Variants in ASIC2 observed in about 807,000 individuals in gnomAD.
The protein encoded by ASIC2 is acid-sensing ion channel 2.
In ASIC2, 25 loss-of-function variants were observed where a neutral mutation model predicts 57.3. The ratio of observed to expected loss-of-function variants is 0.44; its 90% CI spans 0.32 to 0.61. ASIC2 has a LOEUF of 0.61. Among genes scored for constraint, ASIC2 ranks in the 20% least tolerant of loss-of-function variants. ASIC2 has a pLI of 0.06. For synonymous variants in ASIC2, 319 were observed against 307.5 expected (o/e 1.04, Z -0.39); for missense variants, 641 against 738.1 (o/e 0.87, Z 1.52).
chr17:33,592,252 CT>C, intron 1 of ASIC2, among the ~76,000 whole-genome samples: 1 of 152,366 alleles, frequency 6.6e-6, no homozygotes, highest in Admixed American at 6.5e-5. Context: ...CATTGACCCC[CT>C]GCTCTGTGTC....
At chr17:34,048,483 A>G (rs1908422025) in intron 1 of ASIC2, among the ~76,000 whole-genome samples, 1 of 152,194 alleles carries the variant, frequency 6.6e-6, no homozygotes, top group Admixed American at 6.5e-5. Context: ...CTTTATTTTC[A>G]GCACTGCTGC....
intron 1 of ASIC2, among the ~76,000 whole-genome samples, chr17:33,656,089 C>T (rs1907067507): frequency 6.6e-6 from 1 of 151,992 alleles, no homozygotes; most frequent in Non-Finnish European, 1.5e-5. Context: ...AGAGTCTTCC[C>T]TAGAAACTAA....
In ASIC2 at chr17:34,086,974, G is replaced by A. The variant is rs539681117; in HGVS notation, c.555+69004C>T. ...GGTTTCCTGAATACAGCACACTGATGGGTCTTGACTCTTTATCCAATTTGC... is the reference window on the plus strand; with the variant it reads ...GGTTTCCTGAATACAGCACACTGATAGGTCTTGACTCTTTATCCAATTTGC... On this transcript the variant is annotated intron_variant, in intron 1 of 9. Transcript: ENST00000359872. 1.2e-3 allele frequency among the ~76,000 whole-genome samples: 183 copies of A among 152,206 alleles called. 1 individual carries two copies. The highest frequency in any genetic ancestry group is 4.3e-3 in the African/African-American group (178 of 41,526).
intron 1 of ASIC2, among the ~76,000 whole-genome samples, chr17:34,121,269 GTC>G (rs1911613081): frequency 6.6e-6 from 1 of 151,536 alleles, no homozygotes; most frequent in South Asian, 2.1e-4. Context: ...GACAGTAAAT[GTC>G]TGTTGTTTTA....
chr17:33,247,102 T>C (rs912900431), intron 1 of ASIC2, among the ~76,000 whole-genome samples: 1 of 152,252 alleles, frequency 6.6e-6, no homozygotes, highest in Admixed American at 6.5e-5. Context: ...CATTGTTCGA[T>C]AGAGCGTTTA....
At chr17:33,092,632 G>T (rs1436685886) in intron 2 of ASIC2, among the ~76,000 whole-genome samples, 3 of 152,232 alleles carry the variant, frequency 2.0e-5, no homozygotes, top group South Asian at 4.1e-4. Flanking sequence ...GGGAAGGGAA[G>T]TGACTTGCCC....
At chr17:33,430,589 G>A (rs975245906) in intron 1 of ASIC2, among the ~76,000 whole-genome samples, 2 of 152,046 alleles carry the variant, frequency 1.3e-5, no homozygotes, top group African/African-American at 4.8e-5. Flanking sequence ...AGGGTGCTGG[G>A]GCCACAGCAA....
chr17:34,097,600 A>T (rs1362533130), intron 1 of ASIC2, among the ~76,000 whole-genome samples: 1 of 152,226 alleles, frequency 6.6e-6, no homozygotes, highest in Non-Finnish European at 1.5e-5. Flanking sequence ...TCATGTGAAG[A>T]CAAGGCAGAG....
At chr17:33,570,367 C>T (rs2141990996) in intron 1 of ASIC2, among the ~76,000 whole-genome samples, 1 of 152,350 alleles carries the variant, frequency 6.6e-6, no homozygotes, top group East Asian at 1.9e-4. Context: ...TGGCTCCTGG[C>T]CTGAGTCCTG....
chr17:33,769,484 G>C (rs1911032549), intron 1 of ASIC2, among the ~76,000 whole-genome samples: 1 of 152,226 alleles, frequency 6.6e-6, no homozygotes, highest in Non-Finnish European at 1.5e-5. Flanking sequence ...CTGCATCAAA[G>C]TTTACTGTAC....
intron 1 of ASIC2, among the ~76,000 whole-genome samples, chr17:33,920,917 T>G (rs1915697427): frequency 6.6e-6 from 1 of 152,144 alleles, no homozygotes; most frequent in Non-Finnish European, 1.5e-5. Flanking sequence ...ATCATCAGCT[T>G]TTGTCCTAGC....
At chr17:34,121,153 A>G (rs888354327) in intron 1 of ASIC2, among the ~76,000 whole-genome samples, 2 of 152,228 alleles carry the variant, frequency 1.3e-5, no homozygotes, top group African/African-American at 4.8e-5. Flanking sequence ...CAAGGATCCC[A>G]GCATCACCAG....
intron 1 of ASIC2, among the ~76,000 whole-genome samples, chr17:33,806,797 C>A (rs1306711450): frequency 6.6e-6 from 1 of 152,160 alleles, no homozygotes; most frequent in Non-Finnish European, 1.5e-5. Flanking sequence ...GACTTGGCAC[C>A]TGACCTGGTC....
chr17:33,702,106 A>C (rs1483071237), intron 1 of ASIC2, among the ~76,000 whole-genome samples: 1 of 152,140 alleles, frequency 6.6e-6, no homozygotes, highest in Admixed American at 6.5e-5. Context: ...GTCACAGACA[A>C]TGTCCTGGTT....
intron 1 of ASIC2, among the ~76,000 whole-genome samples, chr17:33,551,721 T>C (rs968060629): frequency 3.9e-5 from 6 of 152,196 alleles, no homozygotes; most frequent in African/African-American, 1.4e-4. Context: ...AGACTGTTGT[T>C]CTGAGATGCC....
chr17:33,307,597 A>G (rs1371131464), intron 1 of ASIC2, among the ~76,000 whole-genome samples: 2 of 152,228 alleles, frequency 1.3e-5, no homozygotes, highest in Non-Finnish European at 2.9e-5. Flanking sequence ...GGCATAAGCC[A>G]GCACACCCGA....
chr17:33,232,905 C>T (rs566110968), intron 1 of ASIC2, among the ~76,000 whole-genome samples: 4 of 152,268 alleles, frequency 2.6e-5, no homozygotes, highest in East Asian at 3.9e-4. Flanking sequence ...TCCTCTGGAG[C>T]GATGCATTCT....
rs138509646 is a variant in ASIC2 at position 33,485,800 on chromosome 17, G to A, written c.556-373733C>T. The stretch of plus-strand genomic sequence containing the variant: ...TTAAATAAAACACTCAGTGTGAAAT[G>A]TCTGACCCAGAGCTTGGTGTATAGT... On this transcript the variant is annotated intron_variant, in intron 1 of 9. Transcript: ENST00000359872. 2.2e-3 allele frequency among the ~76,000 whole-genome samples: 339 copies of A among 152,334 alleles called. 3 individuals carry two copies. In the East Asian group the frequency reaches 0.023, roughly 10 times the overall value.
chr17:33,594,110 C>A (rs915373494), intron 1 of ASIC2, among the ~76,000 whole-genome samples: 2 of 152,256 alleles, frequency 1.3e-5, no homozygotes, highest in African/African-American at 4.8e-5. Flanking sequence ...GCGTTTCCTA[C>A]ACCATTTGCA....
Sources: gnomAD v4.1 joint callset for allele counts (sites outside exome capture counted in the v4.1 genomes callset) on GRCh38, gnomAD v4.1.1 for gene constraint, MANE v1.5 for transcripts, NCBI Gene and HGNC (gene_info 2026-07-23, HGNC 2026-07-21) for gene names.